The following CTNNA3 variants were observed in gnomAD, a reference collection of about 807,000 sequenced individuals.
The protein encoded by CTNNA3 is catenin alpha 3, also known as catenin alpha-3.
In CTNNA3, 76 loss-of-function variants were observed where a neutral mutation model predicts 95.7. The ratio of observed to expected loss-of-function variants is 0.79; its 90% CI spans 0.66 to 0.96. The LOEUF (loss-of-function observed/expected upper bound fraction) is 0.96. Among genes scored for constraint, CTNNA3 ranks in the 40% least tolerant of loss-of-function variants. CTNNA3 has a pLI of 0.00. For synonymous variants in CTNNA3, 431 were observed against 374.4 expected (o/e 1.15, Z -1.74); for missense variants, 1,191 against 1,089.8 (o/e 1.09, Z -1.31).
chr10:67,419,672 T>C (rs1845677814), intron 5 of CTNNA3, among the ~76,000 whole-genome samples: 1 of 152,236 alleles, frequency 6.6e-6, no homozygotes, highest in East Asian at 1.9e-4. Context: ...TCTTCAGAAA[T>C]TTAGAAACTA....
chr10:67,379,090 A>G (rs1414952327), intron 5 of CTNNA3, among the ~76,000 whole-genome samples: 1 of 152,226 alleles, frequency 6.6e-6, no homozygotes, highest in Non-Finnish European at 1.5e-5. Flanking sequence ...TTCTAAATAC[A>G]AGATTTGACC....
intron 3 of CTNNA3, among the ~76,000 whole-genome samples, chr10:67,590,025 T>C (rs1186338169): frequency 1.3e-5 from 2 of 152,142 alleles, no homozygotes; most frequent in Non-Finnish European, 2.9e-5. Context: ...TAATAGATCA[T>C]GTATCACTAT....
chr10:67,473,368 AC>A (rs1847895175), intron 5 of CTNNA3, among the ~76,000 whole-genome samples: 1 of 152,112 alleles, frequency 6.6e-6, no homozygotes, highest in African/African-American at 2.4e-5. Flanking sequence ...ATATGTCTCC[AC>A]CACACCTCCT....
At chr10:67,633,359 C>A (rs1012186743) in intron 2 of CTNNA3, among the ~76,000 whole-genome samples, 1 of 152,162 alleles carries the variant, frequency 6.6e-6, no homozygotes, top group African/African-American at 2.4e-5. Context: ...CCTCACTCCC[C>A]GCCCCAACGC....
chr10:66,485,995 C>G (rs1219449816), intron 11 of CTNNA3, among the ~76,000 whole-genome samples: 1 of 152,148 alleles, frequency 6.6e-6, no homozygotes, highest in Non-Finnish European at 1.5e-5. Flanking sequence ...GTCTCTCTAA[C>G]AAATGGCACT....
chr10:65,988,537 A>G (rs932060155), intron 16 of CTNNA3, among the ~76,000 whole-genome samples, 155 bp downstream of exon 16: 1 of 152,178 alleles, frequency 6.6e-6, no homozygotes. Context: ...ATAATCGTCC[A>G]TTACCTAGTG....
intron 13 of CTNNA3, among the ~76,000 whole-genome samples, chr10:66,219,381 T>C (rs1423341157): frequency 6.6e-6 from 1 of 152,174 alleles, no homozygotes; most frequent in East Asian, 1.9e-4. Flanking sequence ...TCATGGTCCC[T>C]CCTATATTGT....
intron 7 of CTNNA3, among the ~76,000 whole-genome samples, chr10:66,959,145 G>A (rs990517638): frequency 6.6e-6 from 1 of 152,118 alleles, no homozygotes; most frequent in African/African-American, 2.4e-5. Flanking sequence ...CAGACTCACG[G>A]CAAAAGCTTA....
rs181284803 is a variant in CTNNA3 at position 67,750,036 on chromosome 10, C to T, written c.-2+13398G>A. On this transcript the variant is annotated intron_variant, in intron 1 of 17. Coordinates refer to the CTNNA3 transcript ENST00000684154. The stretch of plus-strand genomic sequence containing the variant: ...ACCTTTTAAGAGCTGTAACACTCGC[C>T]GTGAAGGTCCGCGGGCTCATTTTGA... Among the ~76,000 whole-genome samples the T allele has an allele frequency of 3.0e-3, 463 of 152,232 alleles. 3 individuals are homozygous for T. The highest frequency in any genetic ancestry group is 0.01 in the African/African-American group (426 of 41,544).
At chr10:66,608,948 TTAAAC>T (rs1408080842) in intron 10 of CTNNA3, among the ~76,000 whole-genome samples, 4 of 152,170 alleles carry the variant, frequency 2.6e-5, no homozygotes, top group Admixed American at 2.0e-4. Flanking sequence ...TGGGATATAA[TTAAAC>T]TAAAGAGCTT....
chr10:67,099,955 T>C (rs1445529710), intron 7 of CTNNA3: 2 of 151,792 alleles, frequency 1.3e-5, no homozygotes, highest in Admixed American at 1.3e-4. Flanking sequence ...TGCAAAATTT[T>C]ATTTATTATG....
At chr10:66,707,975 CAATT>C (rs887942565) in intron 9 of CTNNA3, among the ~76,000 whole-genome samples, 25 of 152,156 alleles carry the variant, frequency 1.6e-4, no homozygotes, top group Admixed American at 6.6e-4. Context: ...AAATATCAAT[CAATT>C]GTTTCATTTG....
intron 13 of CTNNA3, among the ~76,000 whole-genome samples, chr10:66,260,765 T>C (rs1482152748): frequency 6.6e-6 from 1 of 152,128 alleles, no homozygotes; most frequent in East Asian, 1.9e-4. Flanking sequence ...CGTATCTTTA[T>C]AATTGGATTT....
Position 66,752,902 on chromosome 10 carries a change from C to T in CTNNA3, c.1281+13362G>A, listed in dbSNP as rs140412463. Among the ~76,000 whole-genome samples the T allele has an allele frequency of 2.6e-4, 40 of 152,024 alleles. No homozygotes were observed. In the East Asian group the frequency reaches 7.5e-3, roughly 29 times the overall value. ...GAACAAGAGTGACTCTATTTAAATG[C>T]TAATCTGCCATGTGACTCCTGACTA... On this transcript the variant is annotated intron_variant, in intron 9 of 17. Coordinates refer to ENST00000433211, the MANE Select transcript of CTNNA3 (RefSeq NM_013266.4).
chr10:67,318,350 G>A (rs1334071616), intron 5 of CTNNA3, among the ~76,000 whole-genome samples: 1 of 152,092 alleles, frequency 6.6e-6, no homozygotes, highest in African/African-American at 2.4e-5. Context: ...GTGACCTTAA[G>A]CAAGCTACCT....
intron 12 of CTNNA3, among the ~76,000 whole-genome samples, chr10:66,353,238 A>G (rs906832732): frequency 2.0e-4 from 30 of 152,168 alleles, no homozygotes; most frequent in Admixed American, 1.7e-3. Context: ...TAGATTCATG[A>G]TATATATTGT....
intron 7 of CTNNA3, among the ~76,000 whole-genome samples, chr10:66,829,707 G>C (rs886350419): frequency 1.4e-5 from 2 of 140,732 alleles, no homozygotes; most frequent in East Asian, 4.1e-4. Flanking sequence ...AAAAAAAAAA[G>C]GACTAGTGCA....
intron 13 of CTNNA3, among the ~76,000 whole-genome samples, chr10:66,269,050 C>G (rs2091220681): frequency 6.6e-6 from 1 of 152,154 alleles, no homozygotes; most frequent in Non-Finnish European, 1.5e-5. Context: ...ATTCTAACTA[C>G]TACAAAAACT....
At chr10:66,192,080 G>A (rs1372881826) in intron 13 of CTNNA3, among the ~76,000 whole-genome samples, 1 of 152,126 alleles carries the variant, frequency 6.6e-6, no homozygotes, top group Non-Finnish European at 1.5e-5. Context: ...AGAACTCTGA[G>A]AAATAAATTT....
Sources: gnomAD v4.1 joint callset for allele counts (sites outside exome capture counted in the v4.1 genomes callset) on GRCh38, gnomAD v4.1.1 for gene constraint, MANE v1.5 for transcripts, NCBI Gene and HGNC (gene_info 2026-07-23, HGNC 2026-07-21) for gene names.